The following MGP variants were observed in gnomAD, a reference collection of about 807,000 sequenced individuals.
MGP encodes the protein cell growth-inhibiting gene 36 protein.
MGP carries 13 observed loss-of-function variants against 14.5 expected under a neutral mutation model. The observed-to-expected ratio is 0.89, with a 90% CI of 0.58 to 1.42. MGP has a LOEUF of 1.42. Ranked by LOEUF, MGP falls within the 40% of genes most tolerant of loss-of-function variation. MGP has a pLI of 0.00. For missense variants in MGP, 128 were observed against 133.7 expected, an observed-to-expected ratio of 0.96 and a Z score of 0.21; for synonymous variants, 44 against 46.3, an observed-to-expected ratio of 0.95 and a Z score of 0.20.
At chr12:14,883,651 T>G (rs1863406570) in intron 2 of MGP, 1 of 161,588 alleles carries the variant, frequency 6.2e-6, no homozygotes, top group South Asian at 1.7e-4. Context: ...ATACAAAAAT[T>G]AGCCAGGCAT....
Position 14,883,025 on chromosome 12 carries a change from A to G in MGP, c.117T>C (p.Asn39=). 3.1e-6 allele frequency: 5 copies of G among 1,612,238 alleles called. No individual in the cohort carries two copies. Among genetic ancestry groups the G allele is most frequent in the Non-Finnish European group, 4.2e-6 (5 of 1,178,394 alleles). Residue 39 remains asparagine (N), a synonymous_variant, in exon 3 of 4, where the codon AAT becomes AAC. Transcript: ENST00000539261. ...YELNPFINRR[N]ANTFISPQQR... ...GCTGAGGGGATATGAAGGTATTTGC[A>G]TTTCTCCTGTTAATGAAGGGATCTT... is the stretch of plus-strand genomic sequence containing the variant.
Position 14,885,768 on chromosome 12 carries a change from G to A in MGP, c.24C>T (p.Ala8=). Residue 8 remains alanine, a synonymous_variant, in exon 1 of 4, where the codon GCC becomes GCT. Coordinates refer to ENST00000539261, the MANE Select transcript of MGP (RefSeq NM_000900.5). The part of the protein sequence containing the change: MKSLILL[A]ILAALAVVTL... ...TTACTACCGCTAAGGCGGCCAGGAT[G>A]GCAAGAAGGATCAGGCTCTTCATGG... is the stretch of plus-strand genomic sequence containing the variant. 1.2e-6 allele frequency: 2 copies of A among 1,613,836 alleles called. No individual in the cohort carries two copies. Among genetic ancestry groups the A allele is most frequent in the Non-Finnish European group, 1.7e-6 (2 of 1,179,768 alleles).
At position 14,883,004 on chromosome 12, in the gene MGP, A is replaced by G; in HGVS notation, c.138T>C (p.Pro46=). ...NRRNANTFIS[P]QQRWRAKVQE... is the part of the protein sequence containing the mutation. ...GGACTTTAGCTCTCCATCTCTGCTG[A>G]GGGGATATGAAGGTATTTGCATTTC... The change falls in exon 3 of 4, where the codon CCT becomes CCC. Residue 46 remains proline, a synonymous_variant. Transcript: ENST00000539261. 6.2e-7 allele frequency: 1 copy of G among 1,612,886 alleles called. No homozygotes were observed.
rs1445080925 is a variant in MGP at position 14,881,479 on chromosome 12, A to G, written c.*660T>C. 1 of 152,662 alleles carries G rather than the reference A, an allele frequency of 6.6e-6. No individual in the cohort carries two copies. The highest frequency in any genetic ancestry group is 1.5e-5 in the Non-Finnish European group (1 of 68,394). The allele number at this position is 152,662 out of a possible 1,614,324, so 9.5% of individuals were successfully genotyped here. A position where few individuals can be genotyped will look rare whatever the true frequency, so the allele number is the denominator to read the frequency against. ...TTACATATAATGTGATTATTGATAT[A>G]GTTAAGTGTATAAACTATTATTGAC... is the stretch of plus-strand genomic sequence containing the variant. On this transcript the variant is annotated 3_prime_UTR_variant, in exon 4 of 4. Coordinates refer to ENST00000539261, the MANE Select transcript of MGP (RefSeq NM_000900.5).
In MGP at chr12:14,882,289, T is replaced by C. The variant is rs371174890; in HGVS notation, c.171-9A>G. The C allele has an allele frequency of 6.2e-7, 1 of 1,613,604 alleles. No homozygotes were observed. Among genetic ancestry groups the C allele is most frequent in the African/African-American group, 1.3e-5 (1 of 74,766 alleles). On this transcript the variant is annotated splice_polypyrimidine_tract_variant and intron_variant, in intron 3 of 3. Transcript: ENST00000539261. ...TAGAGCGTTCTCGGATCCTAGAAAG[T>C]GGAAGAAGAGGCCAAAATTGAGAAG... is the stretch of plus-strand genomic sequence containing the variant.
At chr12:14,885,206 A>G (rs967098323) in intron 1 of MGP, among the ~76,000 whole-genome samples, 1 of 152,232 alleles carries the variant, frequency 6.6e-6, no homozygotes, top group African/African-American at 2.4e-5. Context: ...TTTTCTGACA[A>G]CAGGAGTTAT....
At chr12:14,884,948 A>T in intron 1 of MGP, 1 of 1,441,452 alleles carries the variant, frequency 6.9e-7, no homozygotes, top group South Asian at 1.3e-5. Context: ...CAGCAAGTGA[A>T]TTTTCTTCAA....
At position 14,884,340 on chromosome 12, in the gene MGP, C is replaced by T. The variant is rs535437830; in HGVS notation, c.62-95G>A. On this transcript the variant is annotated intron_variant, in intron 1 of 3. Coordinates refer to ENST00000539261, the MANE Select transcript of MGP (RefSeq NM_000900.5). ...TTTAGACACTGTGATAGTTTAAATA[C>T]AGGGATGGAAGAAGAGGAAAGAGTC... 8.5e-6 allele frequency: 7 copies of T among 827,336 alleles called. No homozygotes were observed. In the African/African-American group the frequency reaches 1.0e-4, roughly 12 times the overall value. 51.2% of individuals were successfully genotyped at this position (827,336 alleles called of 1,614,324 possible).
rs886049107 is a variant in MGP at position 14,884,223 on chromosome 12, A to G, written c.84T>C (p.Ser28=). 2.7e-6 allele frequency: 4 copies of G among 1,461,292 alleles called. No individual in the cohort carries two copies. The highest frequency in any genetic ancestry group is 2.8e-5 in the African/African-American group (2 of 71,582). 90.5% of individuals were successfully genotyped at this position (1,461,292 alleles called of 1,614,324 possible). A position where few individuals can be genotyped will look rare whatever the true frequency, so the allele number is the denominator to read the frequency against. ...LCYESHESME[S]YELNPFINRR... ...TAAATATTCACTTACTAAGTTCATA[A>G]GATTCCATGCTTTCATGTGATTCTG... The change falls in exon 2 of 4, where the codon TCT becomes TCC. Residue 28 remains serine (S), a synonymous_variant. Transcript: ENST00000539261.
intron 2 of MGP, chr12:14,883,495 A>G: frequency 4.8e-6 from 1 of 206,208 alleles, no homozygotes; most frequent in South Asian, 7.9e-5. Context: ...TTATAAATCC[A>G]GCTATTCAAC....
Position 14,883,027 on chromosome 12 carries a change from T to G in MGP, c.115A>C (p.Asn39His), listed in dbSNP as rs145210821. The G allele has an allele frequency of 3.2e-3, 5,082 of 1,611,798 alleles. 18 individuals are homozygous for G. The highest frequency in any genetic ancestry group is 4.3e-3 in the Admixed American group (259 of 60,018). Reference protein sequence around the residue: ...YELNPFINRRNANTFISPQQR... With the variant: ...YELNPFINRRHANTFISPQQR... ...TGAGGGGATATGAAGGTATTTGCATTTCTCCTGTTAATGAAGGGATCTTAG... is the reference window on the plus strand; with the variant it reads ...TGAGGGGATATGAAGGTATTTGCATGTCTCCTGTTAATGAAGGGATCTTAG... The change falls in exon 3 of 4, where the codon AAT (asparagine) becomes CAT (histidine). Residue 39 changes from asparagine (N) to histidine (H), a missense_variant. Physicochemically the swap from Asn to His is moderately conservative, Grantham distance 68. Coordinates refer to ENST00000539261, the MANE Select transcript of MGP (RefSeq NM_000900.5).
At position 14,882,100 on chromosome 12, in the gene MGP, G is replaced by A; in HGVS notation, c.*39C>T. 1 of 1,612,698 alleles carries A rather than the reference G, an allele frequency of 6.2e-7. No individual in the cohort carries two copies. Among genetic ancestry groups the A allele is most frequent in the Non-Finnish European group, 8.5e-7 (1 of 1,178,820 alleles). ...CAGGGGGATACAAAATCAGGTGCCA[G>A]CCTCCAGAAAAAAAGAGATTTTTTT... On this transcript the variant is annotated 3_prime_UTR_variant, in exon 4 of 4. Coordinates refer to ENST00000539261, the MANE Select transcript of MGP (RefSeq NM_000900.5).
rs1486670409 is a variant in MGP at position 14,881,059 on chromosome 12, C to G, written c.*1080G>C. On this transcript the variant is annotated 3_prime_UTR_variant, in exon 4 of 4. Transcript: ENST00000539261. ...AACAAGCATACAAAACTTAAAGAATCCTGCAGACCTGAACTATAAAAAACG... is the reference window on the plus strand; with the variant it reads ...AACAAGCATACAAAACTTAAAGAATGCTGCAGACCTGAACTATAAAAAACG... 6.6e-6 allele frequency: 1 copy of G among 152,090 alleles called. No individual in the cohort carries two copies. The highest frequency in any genetic ancestry group is 1.5e-5 in the Non-Finnish European group (1 of 68,030). 9.4% of individuals were successfully genotyped at this position (152,090 alleles called of 1,614,324 possible).
At chr12:14,882,524 C>A (rs1289837349) in intron 3 of MGP, among the ~76,000 whole-genome samples, 1 of 151,842 alleles carries the variant, frequency 6.6e-6, no homozygotes, top group Non-Finnish European at 1.5e-5. Context: ...CATGACAAAA[C>A]CCCGTCTCTA....
At position 14,882,216 on chromosome 12, in the gene MGP, A is replaced by G. The variant is rs368353941; in HGVS notation, c.235T>C (p.Cys79Arg). The G allele has an allele frequency of 3.1e-6, 5 of 1,614,084 alleles. No individual in the cohort carries two copies. Among genetic ancestry groups the G allele is most frequent in the Non-Finnish European group, 4.2e-6 (5 of 1,179,968 alleles). The change falls in exon 4 of 4, where the codon TGC (cysteine) becomes CGC (arginine). Residue 79 changes from cysteine to arginine, a missense_variant. Transcript: ENST00000539261. ...CCATAAACCATGGCGTAGCGTTCGC[A>G]AAGTCTGTAGTCATCACAGGCTTCC... ...NREACDDYRLCERYAMVYGYN... is the reference protein window; with the variant it reads ...NREACDDYRLRERYAMVYGYN...
At position 14,885,727 on chromosome 12, in the gene MGP, T is replaced by C. The variant is rs1434979139; in HGVS notation, c.61+4A>G. Reference sequence around the variant, plus strand: ...CACAGAGAAATGGGAGAAAAGTTTCTCACCATAACACAAAGTTACTACCGC... The same window carrying C: ...CACAGAGAAATGGGAGAAAAGTTTCCCACCATAACACAAAGTTACTACCGC... On this transcript the variant is annotated splice_donor_region_variant and intron_variant, in intron 1 of 3. Coordinates refer to ENST00000539261, the MANE Select transcript of MGP (RefSeq NM_000900.5). The C allele has an allele frequency of 1.2e-6, 2 of 1,612,816 alleles. No individual in the cohort carries two copies. Among genetic ancestry groups the C allele is most frequent in the Non-Finnish European group, 1.7e-6 (2 of 1,178,986 alleles).
At chr12:14,883,947 G>T in intron 2 of MGP, 1 of 330,482 alleles carries the variant, frequency 3.0e-6, no homozygotes, top group Admixed American at 4.4e-5. Flanking sequence ...CAGTTGACGT[G>T]GTGCCAATTT....
In MGP at chr12:14,882,975, T is replaced by C. The variant is rs762421858; in HGVS notation, c.167A>G (p.Glu56Gly). The change falls in exon 3 of 4, where the codon GAG becomes GGG. Residue 56 changes from glutamate to glycine, a missense_variant. By Grantham distance (98) the Glu-to-Gly change is moderately conservative. Transcript: ENST00000539261. ...CTCATGAAGTTTTGTTACTGACCTCTCTTGGACTTTAGCTCTCCATCTCTG... is the reference window on the plus strand; with the variant it reads ...CTCATGAAGTTTTGTTACTGACCTCCCTTGGACTTTAGCTCTCCATCTCTG... Reference protein sequence around the residue: ...PQQRWRAKVQERIRERSKPVH... With the variant: ...PQQRWRAKVQGRIRERSKPVH... The C allele has an allele frequency of 3.1e-6, 5 of 1,609,552 alleles. No individual in the cohort carries two copies. The highest frequency in any genetic ancestry group is 2.7e-5 in the African/African-American group (2 of 74,826).
rs1863376432 is a variant in MGP at position 14,881,812 on chromosome 12, C to G, written c.*327G>C. 1 of 314,618 alleles carries G rather than the reference C, an allele frequency of 3.2e-6. No individual in the cohort carries two copies. The highest frequency in any genetic ancestry group is 6.1e-6 in the Non-Finnish European group (1 of 163,080). The allele number at this position is 314,618 out of a possible 1,614,324, so 19.5% of individuals were successfully genotyped here. A position where few individuals can be genotyped will look rare whatever the true frequency, so the allele number is the denominator to read the frequency against. ...TAATTAATACTAGATATGAGATGAA[C>G]AGAATCTCCTATTTTGGGTAAGGTG... On this transcript the variant is annotated 3_prime_UTR_variant, in exon 4 of 4. Transcript: ENST00000539261.
Sources: gnomAD v4.1 joint callset for allele counts (sites outside exome capture counted in the v4.1 genomes callset) on GRCh38, gnomAD v4.1.1 for gene constraint, MANE v1.5 for transcripts, NCBI Gene and HGNC (gene_info 2026-07-23, HGNC 2026-07-21) for gene names.